Variants in PIGW observed in about 807,000 individuals in gnomAD.
PIGW encodes the protein phosphatidylinositol glycan anchor biosynthesis class W, also known as glucosaminyl-phosphatidylinositol-acyltransferase PIGW.
PIGW carries 23 observed loss-of-function variants against 34.0 expected under a neutral mutation model. The ratio of observed to expected loss-of-function variants is 0.68; its 90% CI spans 0.49 to 0.96. The LOEUF is 0.96. Among genes scored for constraint, PIGW ranks in the 40% least tolerant of loss-of-function variants. PIGW has a pLI of 0.00. For synonymous variants in PIGW, 225 were observed against 225.2 expected (o/e 1.00, Z 0.01); for missense variants, 574 against 586.3 (o/e 0.98, Z 0.22).
Position 36,538,247 on chromosome 17 carries a change from G to A in PIGW, c.1146G>A (p.Leu382=). 2 of 1,613,200 alleles carry A rather than the reference G, an allele frequency of 1.2e-6. No individual in the cohort carries two copies. The highest frequency in any genetic ancestry group is 2.2e-5 in the East Asian group (1 of 44,880). The change falls in exon 2 of 2, where the codon CTG becomes CTA. Residue 382 remains leucine (L), a synonymous_variant. Transcript: ENST00000614443. ...AFCIWIVASS[L]ILLSSLLLGD... ...GTATTTGGATAGTTGCTTCTAGCCT[G>A]ATCCTTCTTAGTAGTTTATTACTGG...
At chr17:36,536,473 C>T (rs1433443915) in intron 1 of PIGW, among the ~76,000 whole-genome samples, 1 of 151,874 alleles carries the variant, frequency 6.6e-6, no homozygotes. Context: ...TGATGCCATT[C>T]TCAGAGTTTA....
rs2074164240 is a variant in PIGW at position 36,537,857 on chromosome 17, GTTGA to G, written c.759_762del (p.Ile254PhefsTer4). The G allele has an allele frequency of 6.2e-7, 1 of 1,614,034 alleles. No individual in the cohort carries two copies. The highest frequency in any genetic ancestry group is 8.5e-7 in the Non-Finnish European group (1 of 1,180,014). On this transcript the variant is annotated frameshift_variant, in exon 2 of 2. Transcript: ENST00000614443. LOFTEE classifies it high-confidence loss of function. ...TTGTGAAATTGATAACACCACTGCT[GTTGA>G]TTATTTTTCCCCTAAATAAGTCCTG...
chr17:36,538,592 A>T lies in PIGW; in HGVS notation c.1491A>T (p.Gln497His). Residue 497 changes from glutamine (Q) to histidine (H), a missense_variant, in exon 2 of 2, where the codon CAA becomes CAT. Gln to His is a conservative substitution (Grantham distance 24, BLOSUM62 0). Transcript: ENST00000614443. ...NCLIVYVLYLQDKTVQFW is the reference protein window; with the variant it reads ...NCLIVYVLYLHDKTVQFW ...TAATTGTATATGTACTATATTTGCA[A>T]GATAAGACTGTACAATTTTGGTGAT... The T allele has an allele frequency of 6.2e-7, 1 of 1,604,012 alleles. No homozygotes were observed. The highest frequency in any genetic ancestry group is 8.5e-7 in the Non-Finnish European group (1 of 1,174,304).
chr17:36,537,441 G>C lies in PIGW; in HGVS notation c.340G>C (p.Glu114Gln). ...CAGACTGCCTTTCCTAAAAATCCTT[G>C]AAAAATTCTTGAACATCAGTCTAGA... ...YARLPFLKIL[E>Q]KFLNISLESE... The change falls in exon 2 of 2, where the codon GAA (glutamate) becomes CAA (glutamine). Residue 114 changes from glutamate (E) to glutamine (Q), a missense_variant. By Grantham distance (29) the Glu-to-Gln change is conservative. Coordinates refer to ENST00000614443, the MANE Select transcript of PIGW (RefSeq NM_001346754.2). 6.2e-7 allele frequency: 1 copy of C among 1,614,046 alleles called. No individual in the cohort carries two copies. The highest frequency in any genetic ancestry group is 2.2e-5 in the East Asian group (1 of 44,870).
chr17:36,538,151 C>T lies in PIGW; in HGVS notation c.1050C>T (p.Leu350=). ...TTCTTTTACTGGCAGCTATTAGCCT[C>T]TTCATATCTCTTTACGTAGTTCAAG... The part of the protein sequence containing the change: ...ACFLLLAAIS[L]FISLYVVQVN... Residue 350 remains leucine (L), a synonymous_variant, in exon 2 of 2, where the codon CTC becomes CTT. Transcript: ENST00000614443. 1.9e-6 allele frequency: 3 copies of T among 1,613,704 alleles called. No homozygotes were observed. Among genetic ancestry groups the T allele is most frequent in the Non-Finnish European group, 2.5e-6 (3 of 1,179,754 alleles).
chr17:36,537,861 AT>A lies in PIGW; in HGVS notation c.762del (p.Ile255PhefsTer4). On this transcript the variant is annotated frameshift_variant, in exon 2 of 2. Transcript: ENST00000614443. LOFTEE classifies it high-confidence loss of function. ...VVKLITPLLL[I>X]IFPLNKSWII... ...GAAATTGATAACACCACTGCTGTTG[AT>A]TATTTTTCCCCTAAATAAGTCCTGG... The A allele has an allele frequency of 6.2e-7, 1 of 1,614,048 alleles. No homozygotes were observed. Among genetic ancestry groups the A allele is most frequent in the Non-Finnish European group, 8.5e-7 (1 of 1,179,998 alleles).
In PIGW at chr17:36,537,353, C is replaced by T. The variant is rs370251219; in HGVS notation, c.252C>T (p.Leu84=). ...CTTCATTTATCCTCCTTGAGCTTCT[C>T]GGTGTAATTATCTTTGGGGCAGGGC... The part of the protein sequence containing the change: ...IWASFILLEL[L]GVIIFGAGLL... Residue 84 remains leucine, a synonymous_variant, in exon 2 of 2, where the codon CTC becomes CTT. Transcript: ENST00000614443. 30 of 1,613,748 alleles carry T rather than the reference C, an allele frequency of 1.9e-5. No homozygotes were observed. Among genetic ancestry groups the T allele is most frequent in the Middle Eastern group, 1.6e-4 (1 of 6,084 alleles).
In PIGW at chr17:36,537,618, G is replaced by A; in HGVS notation, c.517G>A (p.Gly173Ser). The A allele has an allele frequency of 6.2e-7, 1 of 1,614,066 alleles. No homozygotes were observed. Among genetic ancestry groups the A allele is most frequent in the South Asian group, 1.1e-5 (1 of 91,074 alleles). The change falls in exon 2 of 2, where the codon GGC (glycine) becomes AGC (serine). Residue 173 changes from glycine (G) to serine (S), a missense_variant. Coordinates refer to ENST00000614443, the MANE Select transcript of PIGW (RefSeq NM_001346754.2). ...AGGAGCAATGGATTTTGGAGTAGGTGGCTTTGTTTTTGGGTCTGCAATGGT... is the reference window on the plus strand; with the variant it reads ...AGGAGCAATGGATTTTGGAGTAGGTAGCTTTGTTTTTGGGTCTGCAATGGT... ...GTGAMDFGVG[G>S]FVFGSAMVCL...
At position 36,535,083 on chromosome 17, in the gene PIGW, A is replaced by G. The variant is rs994914113; in HGVS notation, c.-518A>G. ...AGATGTTTTGCGACCCTGGGGTAAA[A>G]TGAGGGTAAAGCGGCAGCTTCCCAC... On this transcript the variant is annotated 5_prime_UTR_variant, in exon 1 of 2. It removes an upstream start codon present in the reference 5' UTR. Transcript: ENST00000614443. 6.6e-6 allele frequency: 1 copy of G among 152,278 alleles called. No individual in the cohort carries two copies. Among genetic ancestry groups the G allele is most frequent in the Admixed American group, 6.5e-5 (1 of 15,292 alleles). 9.4% of individuals were successfully genotyped at this position (152,278 alleles called of 1,614,324 possible).
rs751981047 is a variant in PIGW, at chr17:36,538,113, A to ATC, written c.1012_1013insTC (p.Lys338IlefsTer3). Reference sequence around the variant, plus strand: ...CCGATCACATATCAAAGACTTGATAAAAGTAGCCTGTTTTCTTTTACTGGC... The same window carrying ATC: ...CCGATCACATATCAAAGACTTGATAATCAAGTAGCCTGTTTTCTTTTACTGGC... On this transcript the variant is annotated frameshift_variant, in exon 2 of 2. Coordinates refer to ENST00000614443, the MANE Select transcript of PIGW (RefSeq NM_001346754.2). LOFTEE classifies it high-confidence loss of function. 8 of 1,614,230 alleles carry ATC rather than the reference A, an allele frequency of 5.0e-6. No individual in the cohort carries two copies. The highest frequency in any genetic ancestry group is 6.8e-6 in the Non-Finnish European group (8 of 1,180,052).
chr17:36,537,484 C>T lies in PIGW; in HGVS notation c.383C>T (p.Ala128Val). Residue 128 changes from alanine to valine, a missense_variant, in exon 2 of 2, where the codon GCC becomes GTC. By Grantham distance (64) the Ala-to-Val change is moderately conservative. Coordinates refer to ENST00000614443, the MANE Select transcript of PIGW (RefSeq NM_001346754.2). The stretch of plus-strand genomic sequence containing the variant: ...AGTCTAGAATCAGAATACAATCCAG[C>T]CATCTCCTGTTTCCGTGTAATTACC... ...NISLESEYNP[A>V]ISCFRVITSA... 1 of 1,614,142 alleles carries T rather than the reference C, an allele frequency of 6.2e-7. No homozygotes were observed.
At position 36,538,308 on chromosome 17, in the gene PIGW, A is replaced by G; in HGVS notation, c.1207A>G (p.Lys403Glu). 1 of 1,613,612 alleles carries G rather than the reference A, an allele frequency of 6.2e-7. No homozygotes were observed. The highest frequency in any genetic ancestry group is 8.5e-7 in the Non-Finnish European group (1 of 1,179,882). Reference protein sequence around the residue: ...IILSFAKFLIKGALVPCSWKL... With the variant: ...IILSFAKFLIEGALVPCSWKL... Reference sequence around the variant, plus strand: ...TTTGAGTTTTGCCAAATTTCTAATTAAAGGAGCTCTAGTACCATGTTCTTG... The same window carrying G: ...TTTGAGTTTTGCCAAATTTCTAATTGAAGGAGCTCTAGTACCATGTTCTTG... The change falls in exon 2 of 2, where the codon AAA becomes GAA. Residue 403 changes from lysine (K) to glutamate (E), a missense_variant. Coordinates refer to ENST00000614443, the MANE Select transcript of PIGW (RefSeq NM_001346754.2).
In PIGW at chr17:36,537,053, C is replaced by G. The variant is rs544366148; in HGVS notation, c.-8-41C>G. The G allele has an allele frequency of 3.2e-5, 48 of 1,493,118 alleles. 2 individuals carry two copies. In the South Asian group the frequency reaches 5.8e-4, roughly 18 times the overall value. 92.5% of individuals were successfully genotyped at this position (1,493,118 alleles called of 1,614,324 possible). On this transcript the variant is annotated intron_variant, in intron 1 of 1. Transcript: ENST00000614443. ...CAGGTATGCTAATTACACAAGAATG[C>G]TGCTTTTCACAAATCCATTCCTTTG...
Position 36,538,068 on chromosome 17 carries a change from G to A in PIGW, c.967G>A (p.Gly323Arg). 6.2e-7 allele frequency: 1 copy of A among 1,614,130 alleles called. No individual in the cohort carries two copies. Among genetic ancestry groups the A allele is most frequent in the Non-Finnish European group, 8.5e-7 (1 of 1,180,024 alleles). Residue 323 changes from glycine (G) to arginine (R), a missense_variant, in exon 2 of 2, where the codon GGG becomes AGG. By Grantham distance (125) the Gly-to-Arg change is moderately radical. Coordinates refer to ENST00000614443, the MANE Select transcript of PIGW (RefSeq NM_001346754.2). ...AATACACATGGCTGGTGTGCAAACA[G>A]GGTTATATATGCATAAGAACCGATC... ...VAIHMAGVQT[G>R]LYMHKNRSHI... is the part of the protein sequence containing the mutation.
At position 36,538,278 on chromosome 17, in the gene PIGW, A is replaced by G. The variant is rs546733529; in HGVS notation, c.1177A>G (p.Ile393Val). 9 of 1,613,402 alleles carry G rather than the reference A, an allele frequency of 5.6e-6. No individual in the cohort carries two copies. In the East Asian group the frequency reaches 1.3e-4, roughly 24 times the overall value. ...ILLSSLLLGDIILSFAKFLIK... is the reference protein window; with the variant it reads ...ILLSSLLLGDVILSFAKFLIK... Reference sequence around the variant, plus strand: ...TCTTAGTAGTTTATTACTGGGTGATATAATTTTGAGTTTTGCCAAATTTCT... The same window carrying G: ...TCTTAGTAGTTTATTACTGGGTGATGTAATTTTGAGTTTTGCCAAATTTCT... The change falls in exon 2 of 2, where the codon ATA becomes GTA. Residue 393 changes from isoleucine (I) to valine (V), a missense_variant. Ile to Val is a conservative substitution (Grantham distance 29). Coordinates refer to ENST00000614443, the MANE Select transcript of PIGW (RefSeq NM_001346754.2).
chr17:36,537,587 TG>T lies in PIGW; in HGVS notation c.489del (p.Thr164GlnfsTer8). 6.2e-7 allele frequency: 1 copy of T among 1,614,194 alleles called. No individual in the cohort carries two copies. The highest frequency in any genetic ancestry group is 8.5e-7 in the Non-Finnish European group (1 of 1,180,044). On this transcript the variant is annotated frameshift_variant, in exon 2 of 2. Coordinates refer to ENST00000614443, the MANE Select transcript of PIGW (RefSeq NM_001346754.2). LOFTEE classifies it high-confidence loss of function. ...PRRFAKTELYGTGAMDFGVGG... is the reference protein window; with the variant it reads ...PRRFAKTELYXTGAMDFGVGG... ...GAAGATTTGCCAAAACTGAGCTCTA[TG>T]GGACAGGAGCAATGGATTTTGGAGT...
rs1055882629 is a variant in PIGW, at chr17:36,535,033, C to T, written c.-568C>T. ...CGTGGCTTGGCCGGGACGCCTGGTC[C>T]GGCTTGCTGGCTTCAACTACGGTGA... On this transcript the variant is annotated 5_prime_UTR_variant, in exon 1 of 2. Coordinates refer to ENST00000614443, the MANE Select transcript of PIGW (RefSeq NM_001346754.2). The T allele has an allele frequency of 6.6e-6, 1 of 152,314 alleles. No homozygotes were observed. The highest frequency in any genetic ancestry group is 1.5e-5 in the Non-Finnish European group (1 of 68,104). The allele number at this position is 152,314 out of a possible 1,614,324, so 9.4% of individuals were successfully genotyped here.
chr17:36,537,397 G>A lies in PIGW; in HGVS notation c.296G>A (p.Arg99Gln), dbSNP rs769619152. The change falls in exon 2 of 2, where the codon CGA (arginine) becomes CAA (glutamine). Residue 99 changes from arginine (R) to glutamine (Q), a missense_variant. By Grantham distance (43) the Arg-to-Gln change is conservative. Coordinates refer to ENST00000614443, the MANE Select transcript of PIGW (RefSeq NM_001346754.2). ...GCAGGGCTGTTGTATCAAATATACC[G>A]AAGGAGGACCTGCTATGCCAGACTG... ...FGAGLLYQIY[R>Q]RRTCYARLPF... 9.9e-6 allele frequency: 16 copies of A among 1,613,964 alleles called. No homozygotes were observed. In the East Asian group the frequency reaches 1.3e-4, roughly 13 times the overall value.
Position 36,537,382 on chromosome 17 carries a change from T to A in PIGW, c.281T>A (p.Leu94Ter), listed in dbSNP as rs770634248. The change falls in exon 2 of 2, where the codon TTG becomes TAG. Residue 94 changes from leucine to a stop codon, truncating the protein, a stop_gained. Coordinates refer to ENST00000614443, the MANE Select transcript of PIGW (RefSeq NM_001346754.2). LOFTEE classifies it high-confidence loss of function. ...GTAATTATCTTTGGGGCAGGGCTGT[T>A]GTATCAAATATACCGAAGGAGGACC... The part of the protein sequence containing the change: ...LGVIIFGAGL[L>*]YQIYRRRTCY... 26 of 1,613,922 alleles carry A rather than the reference T, an allele frequency of 1.6e-5. No homozygotes were observed. The highest frequency in any genetic ancestry group is 2.7e-5 in the African/African-American group (2 of 74,940).
Sources: gnomAD v4.1 joint callset for allele counts (sites outside exome capture counted in the v4.1 genomes callset) on GRCh38, gnomAD v4.1.1 for gene constraint, MANE v1.5 for transcripts, NCBI Gene and HGNC (gene_info 2026-07-23, HGNC 2026-07-21) for gene names.